EXD2: variants seen among roughly 807,000 people sequenced by gnomAD.
EXD2 encodes the protein exonuclease 3'-5' domain containing 2, also known as exonuclease 3'-5' domain-containing protein 2.
EXD2 carries 40 observed loss-of-function variants against 62.5 expected under a neutral mutation model. The ratio of observed to expected loss-of-function variants is 0.64; its 90% CI spans 0.50 to 0.83. The LOEUF (loss-of-function observed/expected upper bound fraction) is 0.83, where lower values mean the gene tolerates loss of function less well. EXD2 is among the 40% of genes least tolerant of loss of function. EXD2 has a pLI of 0.00. For synonymous variants in EXD2, 239 were observed against 291.9 expected (o/e 0.82, Z 1.85); for missense variants, 671 against 761.8 (o/e 0.88, Z 1.40).
At chr14:69,239,865 G>A (rs2043924062) in intron 9 of EXD2, among the ~76,000 whole-genome samples, 1 of 152,182 alleles carries the variant, frequency 6.6e-6, no homozygotes, top group Non-Finnish European at 1.5e-5. Flanking sequence ...GCCTCCCAAA[G>A]TGCTGGGATT....
chr14:69,209,810 T>TA lies in EXD2; in HGVS notation c.333+12dup. The TA allele has an allele frequency of 2.2e-6, 3 of 1,334,750 alleles. No homozygotes were observed. The highest frequency in any genetic ancestry group is 2.9e-6 in the Non-Finnish European group (3 of 1,023,636). 82.7% of individuals were successfully genotyped at this position (1,334,750 alleles called of 1,614,324 possible). On this transcript the variant is annotated splice_region_variant and intron_variant, in intron 3 of 9. Transcript: ENST00000685843. The stretch of plus-strand genomic sequence containing the variant: ...TGGAATTGACTGTGAGTGGGTAAGT[T>TA]AAAAAGCAAAAGTTAAAAAAAAAAA...
intron 1 of EXD2, among the ~76,000 whole-genome samples, chr14:69,193,036 A>G (rs920158696): frequency 6.6e-6 from 1 of 150,458 alleles, no homozygotes; most frequent in Non-Finnish European, 1.5e-5. Flanking sequence ...CACGGTGGAT[A>G]ATAATTTCCT....
intron 3 of EXD2, 37 bp downstream of exon 3, chr14:69,209,840 AAAC>A (rs2042747379): frequency 3.6e-6 from 5 of 1,406,518 alleles, no homozygotes; most frequent in Admixed American, 3.1e-5. Flanking sequence ...AAAAAAAAAA[AAAC>A]AACTTCTGCT....
rs185506448 is a variant in EXD2 at position 69,201,785 on chromosome 14, C to T, written c.-131-2132C>T. ...GCAAGCTCCGCCTCCCGGGTTCAAG[C>T]GATTCTTCTGCCTCAGCCTCCTGAG... On this transcript the variant is annotated intron_variant, in intron 1 of 9. Transcript: ENST00000685843. 2.9e-3 allele frequency among the ~76,000 whole-genome samples: 431 copies of T among 146,994 alleles called. 5 individuals are homozygous for T. Among genetic ancestry groups the T allele is most frequent in the African/African-American group, 0.01 (406 of 39,690 alleles).
intron 1 of EXD2, among the ~76,000 whole-genome samples, chr14:69,198,035 A>G (rs1447783034): frequency 6.6e-6 from 1 of 152,164 alleles, no homozygotes; most frequent in African/African-American, 2.4e-5. Context: ...GATCTTCACT[A>G]AAGTTTTCTG....
chr14:69,234,795 C>T lies in EXD2; in HGVS notation c.813C>T (p.Asn271=), dbSNP rs913107411. The T allele has an allele frequency of 8.1e-6, 13 of 1,613,958 alleles. No homozygotes were observed. The highest frequency in any genetic ancestry group is 5.0e-5 in the Admixed American group (3 of 59,988). The change falls in exon 6 of 10, where the codon AAC becomes AAT. Residue 271 remains asparagine, a synonymous_variant. Transcript: ENST00000685843. ...CTAGGAATTCACCTGGAGAAAAAAA[C>T]GATGACCACAGTAGCTGGAGAAAAG... ...PFSRNSPGEK[N]DDHSSWRKVL...
intron 3 of EXD2, among the ~76,000 whole-genome samples, chr14:69,223,426 TC>T (rs1280155008): frequency 6.6e-6 from 1 of 152,202 alleles, no homozygotes. Context: ...CAGAGGGTTG[TC>T]CAACAGGATG....
rs908448425 is a variant in EXD2, at chr14:69,229,059, G to A, written c.577G>A (p.Ala193Thr). ...GGGGTGCCTGGACCTCCGATACCTA[G>A]CCATGCGGCAGAGGTGTGGTTTGTA... The part of the protein sequence containing the change: ...VRGCLDLRYL[A>T]MRQRNNLLCN... The change falls in exon 4 of 10, where the codon GCC (alanine) becomes ACC (threonine). Residue 193 changes from alanine (A) to threonine (T), a missense_variant. Coordinates refer to ENST00000685843, the MANE Select transcript of EXD2 (RefSeq NM_001193360.2). 2.5e-6 allele frequency: 4 copies of A among 1,614,052 alleles called. No individual in the cohort carries two copies. In the Admixed American group the frequency reaches 6.7e-5, roughly 27 times the overall value.
intron 5 of EXD2, among the ~76,000 whole-genome samples, chr14:69,232,011 G>GT (rs2043602009): frequency 6.7e-6 from 1 of 148,472 alleles, no homozygotes; most frequent in Non-Finnish European, 1.5e-5. Flanking sequence ...TTCAAGAAGT[G>GT]TAAGTCCCAC....
chr14:69,228,757 A>G (rs1465014682), intron 3 of EXD2, 59 bp from the exon 4 acceptor site: 1 of 1,552,670 alleles, frequency 6.4e-7, no homozygotes, highest in Non-Finnish European at 8.7e-7. Context: ...TCACAGTTAT[A>G]TGTTATGCTC....
At chr14:69,198,841 A>G (rs2042294546) in intron 1 of EXD2, among the ~76,000 whole-genome samples, 1 of 152,246 alleles carries the variant, frequency 6.6e-6, no homozygotes, top group African/African-American at 2.4e-5. Context: ...CTATAGACCT[A>G]TATGGCATGT....
In EXD2 at chr14:69,206,455, C is replaced by CCTTTTTTTTTTTTTTTT. The variant is rs60787528; in HGVS notation, c.-48+2455_-48+2456insCTTTTTTTTTTTTTTTT. ...CCCAGCTTCATCTCCCACCCACCCA[C>CCTTTTTTTTTTTTTTTT]TTTTTTTTTTTTTTTTTTTTTTTTT... On this transcript the variant is annotated intron_variant, in intron 2 of 9. Coordinates refer to ENST00000685843, the MANE Select transcript of EXD2 (RefSeq NM_001193360.2). Among the ~76,000 whole-genome samples, 404 of 94,632 alleles carry CCTTTTTTTTTTTTTTTT rather than the reference C, an allele frequency of 4.3e-3. 116 individuals are homozygous for CCTTTTTTTTTTTTTTTT. The highest frequency in any genetic ancestry group is 6.6e-3 in the African/African-American group (147 of 22,178). The allele number at this position is 94,632 out of a possible 152,430, so 62.1% of individuals were successfully genotyped here. A position where few individuals can be genotyped will look rare whatever the true frequency, so the allele number is the denominator to read the frequency against.
rs1295604773 is a variant in EXD2, at chr14:69,209,615, G to A, written c.145G>A (p.Gly49Ser). The A allele has an allele frequency of 6.4e-7, 1 of 1,550,460 alleles. No individual in the cohort carries two copies. The highest frequency in any genetic ancestry group is 8.7e-7 in the Non-Finnish European group (1 of 1,146,980). ...VTQQPQQKVLGSRELPPPEDD... is the reference protein window; with the variant it reads ...VTQQPQQKVLSSRELPPPEDD... Reference sequence around the variant, plus strand: ...CCAACAGCCACAGCAGAAAGTGCTGGGCAGTAGAGAGCTGCCCCCTCCAGA... The same window carrying A: ...CCAACAGCCACAGCAGAAAGTGCTGAGCAGTAGAGAGCTGCCCCCTCCAGA... The change falls in exon 3 of 10, where the codon GGC (glycine) becomes AGC (serine). Residue 49 changes from glycine to serine, a missense_variant. Gly to Ser is a moderately conservative substitution (Grantham distance 56). Coordinates refer to ENST00000685843, the MANE Select transcript of EXD2 (RefSeq NM_001193360.2).
At chr14:69,209,101 G>GTTT (rs1164501621) in intron 2 of EXD2, 1 of 156,174 alleles carries the variant, frequency 6.4e-6, no homozygotes, top group African/African-American at 2.4e-5. Flanking sequence ...CTAGCTTATT[G>GTTT]TTTTTTTTTC....
chr14:69,221,107 A>T (rs2043171204), intron 3 of EXD2, among the ~76,000 whole-genome samples: 1 of 151,970 alleles, frequency 6.6e-6, no homozygotes, highest in Admixed American at 6.6e-5. Context: ...GAGCTCAAGC[A>T]GTCCTTCTGC....
At position 69,206,455 on chromosome 14, in the gene EXD2, C is replaced by CCTTTT. The variant is rs60787528; in HGVS notation, c.-48+2455_-48+2456insCTTTT. Among the ~76,000 whole-genome samples, 166 of 94,636 alleles carry CCTTTT rather than the reference C, an allele frequency of 1.8e-3. 41 individuals are homozygous for CCTTTT. The highest frequency in any genetic ancestry group is 4.3e-3 in the African/African-American group (95 of 22,182). 62.1% of individuals were successfully genotyped at this position (94,636 alleles called of 152,430 possible). A position where few individuals can be genotyped will look rare whatever the true frequency, so the allele number is the denominator to read the frequency against. On this transcript the variant is annotated intron_variant, in intron 2 of 9. Coordinates refer to ENST00000685843, the MANE Select transcript of EXD2 (RefSeq NM_001193360.2). ...CCCAGCTTCATCTCCCACCCACCCA[C>CCTTTT]TTTTTTTTTTTTTTTTTTTTTTTTT... is the stretch of plus-strand genomic sequence containing the variant.
At chr14:69,223,593 G>A (rs2043261876) in intron 3 of EXD2, among the ~76,000 whole-genome samples, 2 of 152,138 alleles carry the variant, frequency 1.3e-5, no homozygotes, top group African/African-American at 4.8e-5. Context: ...CCTATAATGA[G>A]GTATAACTGT....
chr14:69,204,623 A>C (rs571946415), intron 2 of EXD2, among the ~76,000 whole-genome samples: 1 of 152,302 alleles, frequency 6.6e-6, no homozygotes, highest in Non-Finnish European at 1.5e-5. Flanking sequence ...TGTTTCACTG[A>C]TGAGATTTAG....
chr14:69,205,289 G>C (rs1393220425), intron 2 of EXD2, among the ~76,000 whole-genome samples: 1 of 152,024 alleles, frequency 6.6e-6, no homozygotes, highest in African/African-American at 2.4e-5. Flanking sequence ...GGGCTCAAGT[G>C]ATGCTCCCAC....
Sources: allele counts gnomAD v4.1 joint callset (sites outside exome capture counted in the v4.1 genomes callset), GRCh38; gene constraint gnomAD v4.1.1; transcripts MANE v1.5; gene names NCBI Gene and HGNC (gene_info 2026-07-23, HGNC 2026-07-21).